The following MAPK10 variants were observed in gnomAD, a reference collection of about 807,000 sequenced individuals.
MAPK10 encodes JNK3 alpha protein kinase.
Under a neutral mutation model 59.3 loss-of-function variants are expected in MAPK10, and 25 were observed. The ratio of observed to expected loss-of-function variants is 0.42; its 90% CI spans 0.31 to 0.59. The LOEUF is 0.59. Among genes scored for constraint, MAPK10 ranks in the 20% least tolerant of loss-of-function variants. MAPK10 has a pLI of 0.15. For missense variants in MAPK10, 351 were observed against 568.9 expected (o/e 0.62, Z 3.90); for synonymous variants, 190 against 200.5 (o/e 0.95, Z 0.44).
At chr4:86,113,079 T>C (rs2057759489) in intron 4 of MAPK10, among the ~76,000 whole-genome samples, 1 of 152,180 alleles carries the variant, frequency 6.6e-6, no homozygotes, top group Admixed American at 6.5e-5. Context: ...TAAATTTTCC[T>C]CTATCCCTTT....
chr4:86,027,960 C>G (rs1471470297), intron 13 of MAPK10: 3 of 152,174 alleles, frequency 2.0e-5, no homozygotes, highest in Non-Finnish European at 4.4e-5. Context: ...ATAGGTTCTA[C>G]TAAAATTTGT....
At chr4:86,486,939 C>T (rs1277344107) in intron 1 of MAPK10, among the ~76,000 whole-genome samples, 1 of 152,168 alleles carries the variant, frequency 6.6e-6, no homozygotes, top group East Asian at 1.9e-4. Context: ...GCAAGAAAGG[C>T]ACGATCTGAG....
chr4:86,237,804 C>T (rs576794662), intron 2 of MAPK10, among the ~76,000 whole-genome samples: 9 of 152,136 alleles, frequency 5.9e-5, no homozygotes, highest in Non-Finnish European at 1.0e-4. Flanking sequence ...TGCCTGTTCA[C>T]TCTGATGATA....
chr4:86,073,332 T>C (rs942276013), intron 9 of MAPK10, among the ~76,000 whole-genome samples: 13 of 151,834 alleles, frequency 8.6e-5, no homozygotes, highest in Admixed American at 7.9e-4. Context: ...TGTTGATCCT[T>C]TCAAAAAACC....
At position 86,554,965 on chromosome 4, in the gene MAPK10, C is replaced by T. The variant is rs986585793; in HGVS notation, c.-263+38945G>A. On this transcript the variant is annotated intron_variant, in intron 1 of 4. Coordinates refer to the MAPK10 transcript ENST00000502302. ...TCTATGCCTTTGCAAATTTTGTCTT[C>T]TTTTCTTCAGATGCCCTTTCTTCCT... Among the ~76,000 whole-genome samples, 40 of 152,312 alleles carry T rather than the reference C, an allele frequency of 2.6e-4. 1 individual carries two copies. The highest frequency in any genetic ancestry group is 3.4e-3 in the Middle Eastern group (1 of 294).
intron 11 of MAPK10, among the ~76,000 whole-genome samples, chr4:86,054,679 A>G (rs974099164): frequency 1.3e-5 from 2 of 152,106 alleles, no homozygotes; most frequent in African/African-American, 2.4e-5. Flanking sequence ...CTTCCTCCTC[A>G]TTTCTAAATT....
chr4:86,229,892 C>CA lies in MAPK10; in HGVS notation c.-6-35486dup, dbSNP rs879925559. On this transcript the variant is annotated intron_variant, in intron 2 of 13. Coordinates refer to ENST00000641462, the MANE Select transcript of MAPK10 (RefSeq NM_138982.4). ...GCAACATAGTGAGACTCTGTCTCTA[C>CA]AAAAAAAAAAATCAAAAAATTAGCT... Among the ~76,000 whole-genome samples, 367 of 142,130 alleles carry CA rather than the reference C, an allele frequency of 2.6e-3. 1 individual carries two copies. The highest frequency in any genetic ancestry group is 6.1e-3 in the African/African-American group (237 of 38,750). The allele number at this position is 142,130 out of a possible 152,430, so 93.2% of individuals were successfully genotyped here.
At chr4:86,150,628 G>A (rs573520308) in intron 4 of MAPK10, among the ~76,000 whole-genome samples, 6 of 152,228 alleles carry the variant, frequency 3.9e-5, no homozygotes, top group South Asian at 4.1e-4. Context: ...TTGGGAGGCC[G>A]AGACGGGCAG....
chr4:86,043,133 T>C (rs952171736), intron 11 of MAPK10, among the ~76,000 whole-genome samples: 1 of 152,116 alleles, frequency 6.6e-6, no homozygotes. Flanking sequence ...TATGGGACGA[T>C]GTGTAGAATT....
At chr4:86,238,269 T>C (rs560554191) in intron 2 of MAPK10, among the ~76,000 whole-genome samples, 1 of 152,306 alleles carries the variant, frequency 6.6e-6, no homozygotes. Flanking sequence ...TAGTTTGAAA[T>C]CAGGTAGCGT....
chr4:86,446,746 T>C (rs1423799375), intron 1 of MAPK10, among the ~76,000 whole-genome samples: 1 of 152,204 alleles, frequency 6.6e-6, no homozygotes, highest in East Asian at 1.9e-4. Context: ...CTGTCAAACT[T>C]TTAAATTTAG....
intron 4 of MAPK10, chr4:86,124,703 A>G (rs1315493542): frequency 6.6e-6 from 1 of 152,050 alleles, no homozygotes; most frequent in East Asian, 1.9e-4. Context: ...GAGATTCCAT[A>G]ATCATACTTT....
chr4:86,447,459 T>C (rs2149052135), intron 1 of MAPK10, among the ~76,000 whole-genome samples: 1 of 152,330 alleles, frequency 6.6e-6, no homozygotes, highest in Admixed American at 6.5e-5. Context: ...ACACATACTG[T>C]ATAAACCAGG....
At chr4:86,372,567 A>AGAAAG (rs1554253760) in intron 1 of MAPK10, among the ~76,000 whole-genome samples, 9,872 of 132,390 alleles carry the variant, frequency 0.075, 679 homozygotes, top group South Asian at 0.12. Flanking sequence ...AAAGAAAGAA[A>AGAAAG]GAAAAGAAAA....
chr4:86,504,925 C>T (rs1755618247), intron 1 of MAPK10, among the ~76,000 whole-genome samples: 1 of 152,070 alleles, frequency 6.6e-6, no homozygotes, highest in Admixed American at 6.6e-5. Context: ...CCTACAGTCC[C>T]TCTTTTGGGG....
chr4:86,030,581 C>T (rs779007876), intron 12 of MAPK10, among the ~76,000 whole-genome samples: 1 of 152,102 alleles, frequency 6.6e-6, no homozygotes, highest in African/African-American at 2.4e-5. Flanking sequence ...GATCCCCCAG[C>T]CTCAGCCTCC....
intron 4 of MAPK10, among the ~76,000 whole-genome samples, chr4:86,148,426 T>A (rs2065532207): frequency 6.6e-6 from 1 of 152,104 alleles, no homozygotes; most frequent in African/African-American, 2.4e-5. Context: ...TCCAAAATAT[T>A]TGAATTTTAT....
At chr4:86,133,242 TAA>T (rs150979120) in intron 4 of MAPK10, among the ~76,000 whole-genome samples, 7,450 of 152,220 alleles carry the variant, frequency 0.049, 599 homozygotes, top group African/African-American at 0.17. Context: ...GGAGACATAT[TAA>T]AAGAGTATGC....
intron 1 of MAPK10, among the ~76,000 whole-genome samples, chr4:86,478,205 G>T (rs1753282697): frequency 6.6e-6 from 1 of 152,102 alleles, no homozygotes; most frequent in African/African-American, 2.4e-5. Flanking sequence ...AAACCTAGCT[G>T]ACCCCGTAGA....
Sources: allele counts gnomAD v4.1 joint callset (sites outside exome capture counted in the v4.1 genomes callset), GRCh38; gene constraint gnomAD v4.1.1; transcripts MANE v1.5; gene names NCBI Gene and HGNC (gene_info 2026-07-23, HGNC 2026-07-21).